VTI1A: variants seen among roughly 807,000 people sequenced by gnomAD.
VTI1A encodes vesicle transport through interaction with t-SNAREs 1A.
A neutral mutation model predicts 34.9 loss-of-function variants in VTI1A; 22 were observed. That is an observed-to-expected ratio of 0.63 (90% CI 0.45 to 0.90). The LOEUF is 0.90. Among genes scored for constraint, VTI1A ranks in the 40% least tolerant of loss-of-function variants. The pLI, the probability that VTI1A is intolerant of heterozygous loss-of-function variation, is 0.00. For missense variants in VTI1A, 268 were observed against 275.6 expected, an observed-to-expected ratio of 0.97 and a Z score of 0.20; for synonymous variants, 87 against 97.3, an observed-to-expected ratio of 0.89 and a Z score of 0.62.
At chr10:112,668,367 G>A (rs889764543) in intron 6 of VTI1A, 79 bp downstream of exon 6, 5 of 1,426,300 alleles carry the variant, frequency 3.5e-6, no homozygotes, top group African/African-American at 2.8e-5. Context: ...ATAAACAATA[G>A]CAATTAGGTA....
intron 3 of VTI1A, among the ~76,000 whole-genome samples, chr10:112,520,154 G>A (rs958928874): frequency 6.6e-6 from 1 of 151,716 alleles, no homozygotes; most frequent in African/African-American, 2.4e-5. Context: ...TTTATTTTAC[G>A]TATCAAAAGA....
intron 3 of VTI1A, among the ~76,000 whole-genome samples, chr10:112,515,958 G>A (rs1163716666): frequency 6.6e-6 from 1 of 152,094 alleles, no homozygotes; most frequent in South Asian, 2.1e-4. Context: ...CTAGAGGATA[G>A]GATTGTTGTT....
chr10:112,627,097 C>T (rs928585211), intron 5 of VTI1A, among the ~76,000 whole-genome samples: 2 of 152,216 alleles, frequency 1.3e-5, no homozygotes, highest in African/African-American at 4.8e-5. Flanking sequence ...TCAGCTCTAT[C>T]TCAAGATGAG....
At chr10:112,539,690 G>A (rs563063461) in intron 5 of VTI1A, among the ~76,000 whole-genome samples, 5 of 152,244 alleles carry the variant, frequency 3.3e-5, no homozygotes, top group South Asian at 4.1e-4. Flanking sequence ...AGGAGATCAC[G>A]TAACCTCGCT....
chr10:112,683,261 A>G (rs946139767), intron 7 of VTI1A, among the ~76,000 whole-genome samples: 7 of 152,202 alleles, frequency 4.6e-5, no homozygotes, highest in African/African-American at 9.7e-5. Flanking sequence ...CGATTCCCCA[A>G]ACACTGGGCT....
At chr10:112,527,065 C>T (rs762506370) in intron 3 of VTI1A, 22 bp from the exon 4 acceptor site, 2 of 1,610,186 alleles carry the variant, frequency 1.2e-6, no homozygotes, top group South Asian at 2.2e-5. Flanking sequence ...CTCACTCTCT[C>T]CCTTTTTGTT....
chr10:112,453,481 A>G (rs1261084054), intron 1 of VTI1A, among the ~76,000 whole-genome samples: 2 of 152,134 alleles, frequency 1.3e-5, no homozygotes, highest in African/African-American at 4.8e-5. Flanking sequence ...TTATCTATTC[A>G]TTTATTTACT....
At chr10:112,539,634 G>A (rs1483179418) in intron 5 of VTI1A, among the ~76,000 whole-genome samples, 1 of 152,158 alleles carries the variant, frequency 6.6e-6, no homozygotes, top group Non-Finnish European at 1.5e-5. Context: ...TGAACATGAA[G>A]TCAGAGGACC....
intron 5 of VTI1A, among the ~76,000 whole-genome samples, chr10:112,618,294 T>C (rs1015228538): frequency 1.3e-5 from 2 of 151,408 alleles, no homozygotes; most frequent in Admixed American, 1.3e-4. Flanking sequence ...GAAAATGAAA[T>C]GAGATAAGTA....
chr10:112,823,937 A>G, the VTI1A span: 1 of 152,268 alleles, frequency 6.6e-6, no homozygotes, highest in African/African-American at 2.4e-5. Context: ...AGATGGGGAA[A>G]TGGGGGCTCA....
At chr10:112,531,063 T>TCACACACACACACACACA (rs10670312) in intron 4 of VTI1A, among the ~76,000 whole-genome samples, 45 of 139,918 alleles carry the variant, frequency 3.2e-4, no homozygotes, top group East Asian at 2.2e-3. Context: ...GTGACACACC[T>TCACACACACACACACACA]CACACACACA....
rs139549216 is a variant in VTI1A at position 112,544,985 on chromosome 10, C to T, written c.427+6655C>T. Among the ~76,000 whole-genome samples, 180 of 152,218 alleles carry T rather than the reference C, an allele frequency of 1.2e-3. 2 individuals carry two copies. The East Asian group carries it at 0.032, about 27-fold the overall frequency. Reference sequence around the variant, plus strand: ...TCATGGAGGACTTTCATCAGGCAAGCGACCTGATCTGAAGTGTGGAGAACA... The same window carrying T: ...TCATGGAGGACTTTCATCAGGCAAGTGACCTGATCTGAAGTGTGGAGAACA... On this transcript the variant is annotated intron_variant, in intron 5 of 7. Coordinates refer to ENST00000393077, the MANE Select transcript of VTI1A (RefSeq NM_145206.4).
chr10:112,594,670 G>C (rs1844547611), intron 5 of VTI1A, among the ~76,000 whole-genome samples: 1 of 152,056 alleles, frequency 6.6e-6, no homozygotes, highest in South Asian at 2.1e-4. Context: ...AGGATACAAA[G>C]AAATGGAAGA....
intron 7 of VTI1A, among the ~76,000 whole-genome samples, chr10:112,690,843 G>A (rs1848587088): frequency 6.6e-6 from 1 of 152,300 alleles, no homozygotes; most frequent in African/African-American, 2.4e-5. Context: ...TCTATTATAT[G>A]TGTGTGCATC....
chr10:112,673,509 G>C (rs1212571212), intron 7 of VTI1A, among the ~76,000 whole-genome samples: 4 of 151,928 alleles, frequency 2.6e-5, no homozygotes, highest in Non-Finnish European at 4.4e-5. Context: ...CCTTCAGAAA[G>C]TGAATTTTGT....
At chr10:112,634,964 CT>C in intron 5 of VTI1A, among the ~76,000 whole-genome samples, 1 of 152,122 alleles carries the variant, frequency 6.6e-6, no homozygotes, top group Non-Finnish European at 1.5e-5. Flanking sequence ...AACATTTTTT[CT>C]GTGTCTTCCT....
Position 112,593,599 on chromosome 10 carries a change from A to T in VTI1A, c.427+55269A>T, listed in dbSNP as rs557105195. ...GGGAAAATAGAAAAGCACACAGAAA[A>T]AAATCAAAAATTACTCATAATCCCA... On this transcript the variant is annotated intron_variant, in intron 5 of 7. Transcript: ENST00000393077. Among the ~76,000 whole-genome samples, 6 of 152,336 alleles carry T rather than the reference A, an allele frequency of 3.9e-5. No individual in the cohort carries two copies. In the South Asian group the frequency reaches 1.2e-3, roughly 32 times the overall value.
At chr10:112,628,593 C>T (rs773762194) in intron 5 of VTI1A, among the ~76,000 whole-genome samples, 1 of 152,084 alleles carries the variant, frequency 6.6e-6, no homozygotes, top group Non-Finnish European at 1.5e-5. Flanking sequence ...AACCAACTGC[C>T]CTGGCACTGG....
chr10:112,553,007 T>C (rs1468866866), intron 5 of VTI1A, among the ~76,000 whole-genome samples: 3 of 152,208 alleles, frequency 2.0e-5, no homozygotes, highest in Non-Finnish European at 4.4e-5. Flanking sequence ...GTTGTCTTGA[T>C]CTGAAAAATG....
Sources: gnomAD v4.1 joint callset for allele counts (sites outside exome capture counted in the v4.1 genomes callset) on GRCh38, gnomAD v4.1.1 for gene constraint, MANE v1.5 for transcripts, NCBI Gene and HGNC (gene_info 2026-07-23, HGNC 2026-07-21) for gene names.